PLD5: variants seen among roughly 807,000 people sequenced by gnomAD.
PLD5 encodes the protein inactive phospholipase D5.
Under a neutral mutation model 61.1 loss-of-function variants are expected in PLD5, and 36 were observed. The observed-to-expected ratio is 0.59, with a 90% confidence interval of 0.45 to 0.78. The LOEUF (loss-of-function observed/expected upper bound fraction) is 0.78. Among genes scored for constraint, PLD5 ranks in the 30% least tolerant of loss-of-function variants. The pLI is 0.00. For missense variants in PLD5, 515 were observed against 644.4 expected, an observed-to-expected ratio of 0.80 and a Z score of 2.17; for synonymous variants, 243 against 242.8, an observed-to-expected ratio of 1.00 and a Z score of -0.01.
intron 1 of PLD5, among the ~76,000 whole-genome samples, chr1:242,361,910 G>T (rs1661086201): frequency 6.6e-6 from 1 of 151,630 alleles, no homozygotes; most frequent in Non-Finnish European, 1.5e-5. Flanking sequence ...CGAGGTGGGA[G>T]GATTGCTTGA....
intron 1 of PLD5, among the ~76,000 whole-genome samples, chr1:242,361,937 C>G (rs1348803335): frequency 6.7e-6 from 1 of 150,100 alleles, no homozygotes; most frequent in Non-Finnish European, 1.5e-5. Flanking sequence ...GAATTCAAGA[C>G]TACCCTGGCC....
intron 2 of PLD5, 36 bp downstream of exon 2, chr1:242,348,070 C>T (rs1194765741): frequency 2.5e-6 from 4 of 1,605,712 alleles, no homozygotes; most frequent in Admixed American, 3.4e-5. Context: ...TTCTTGCCCG[C>T]CCCCTAAAAG....
intron 5 of PLD5, among the ~76,000 whole-genome samples, chr1:242,201,248 G>A (rs1296865129): frequency 6.6e-6 from 1 of 152,178 alleles, no homozygotes; most frequent in African/African-American, 2.4e-5. Context: ...ATAAAGGACT[G>A]AAGTGACAGC....
chr1:242,096,514 G>A (rs1660243622), intron 9 of PLD5, among the ~76,000 whole-genome samples: 2 of 151,612 alleles, frequency 1.3e-5, no homozygotes. Context: ...GCTAATTTTT[G>A]TATTTTTAGT....
rs569350964 is a variant in PLD5 at position 242,220,015 on chromosome 1, G to A, written c.708C>T (p.Ala236=). ...VDKQHVYIGS[A]GLDWQSLGQM... is the part of the protein sequence containing the mutation. ...GTCCCAGGGATTGCCAGTCCAAACCGGCACTGCCGATATACACGTGCTGTT... is the reference window on the plus strand; with the variant it reads ...GTCCCAGGGATTGCCAGTCCAAACCAGCACTGCCGATATACACGTGCTGTT... The change falls in exon 5 of 10, where the codon GCC becomes GCT. Residue 236 remains alanine, a synonymous_variant. Coordinates refer to ENST00000536534, the MANE Select transcript of PLD5 (RefSeq NM_001372062.1). 1.4e-5 allele frequency: 22 copies of A among 1,614,068 alleles called. No homozygotes were observed. In the South Asian group the frequency reaches 1.9e-4, roughly 14 times the overall value.
At chr1:242,198,408 G>T (rs761185490) in intron 5 of PLD5, among the ~76,000 whole-genome samples, 1 of 151,920 alleles carries the variant, frequency 6.6e-6, no homozygotes, top group African/African-American at 2.4e-5. Context: ...TGACTTCTGC[G>T]GTAGAAGCAA....
chr1:242,190,138 CTTTTTTTTTTTTT>C (rs902616187), intron 5 of PLD5, among the ~76,000 whole-genome samples: 1 of 74,382 alleles, frequency 1.3e-5, no homozygotes, highest in Non-Finnish European at 2.3e-5. Flanking sequence ...GACAGGACTC[CTTTTTTTTTTTTT>C]TTTTTTTTTT....
intron 5 of PLD5, among the ~76,000 whole-genome samples, chr1:242,180,099 A>G (rs1667426554): frequency 6.6e-6 from 1 of 152,196 alleles, no homozygotes; most frequent in African/African-American, 2.4e-5. Context: ...AGTGAGTGGT[A>G]CACACAGGCG....
intron 2 of PLD5, among the ~76,000 whole-genome samples, chr1:242,299,876 G>GAGCT (rs1675927747): frequency 6.6e-6 from 1 of 152,200 alleles, no homozygotes; most frequent in Non-Finnish European, 1.5e-5. Context: ...AATCCATGAT[G>GAGCT]AGCTCTCCAA....
intron 4 of PLD5, among the ~76,000 whole-genome samples, chr1:242,261,655 A>G (rs1673378323): frequency 6.6e-6 from 1 of 152,212 alleles, no homozygotes; most frequent in Non-Finnish European, 1.5e-5. Context: ...GCCAATTAAA[A>G]CAACAATAAC....
At chr1:242,203,553 G>A (rs566562394) in intron 5 of PLD5, 2 of 152,244 alleles carry the variant, frequency 1.3e-5, no homozygotes, top group Admixed American at 6.5e-5. Flanking sequence ...CTATCCCCTC[G>A]GTGAAGACTG....
At chr1:242,194,618 G>T (rs316831) in intron 5 of PLD5, among the ~76,000 whole-genome samples, 4 of 102,946 alleles carry the variant, frequency 3.9e-5, no homozygotes, top group African/African-American at 1.6e-4. Flanking sequence ...ATCTATCTAT[G>T]TATCTATCTA....
chr1:242,374,497 C>T (rs1185284380), intron 1 of PLD5, among the ~76,000 whole-genome samples: 2 of 152,096 alleles, frequency 1.3e-5, no homozygotes, highest in Admixed American at 6.6e-5. Context: ...TACCATTCTC[C>T]CCCAGGGCTT....
chr1:242,150,857 A>C (rs1392888125), intron 5 of PLD5, among the ~76,000 whole-genome samples: 1 of 151,696 alleles, frequency 6.6e-6, no homozygotes, highest in Non-Finnish European at 1.5e-5. Flanking sequence ...ATTTTTCCTC[A>C]TCTATTTGTT....
chr1:242,261,661 A>G (rs1673379122), intron 4 of PLD5, among the ~76,000 whole-genome samples: 1 of 152,210 alleles, frequency 6.6e-6, no homozygotes, highest in Non-Finnish European at 1.5e-5. Context: ...TAAAACAACA[A>G]TAACACTGGG....
chr1:242,476,767 G>T (rs1193929260), intron 1 of PLD5, among the ~76,000 whole-genome samples: 2 of 152,060 alleles, frequency 1.3e-5, no homozygotes, highest in East Asian at 1.9e-4. Context: ...CCCACCCCAG[G>T]TTTATTTTTT....
chr1:242,092,026 C>T (rs1659873231), intron 9 of PLD5, among the ~76,000 whole-genome samples: 1 of 151,972 alleles, frequency 6.6e-6, no homozygotes, highest in African/African-American at 2.4e-5. Context: ...CGGGGTTTCA[C>T]CATTTTGGCC....
At chr1:242,427,476 C>T (rs1231287751) in intron 1 of PLD5, among the ~76,000 whole-genome samples, 1 of 152,076 alleles carries the variant, frequency 6.6e-6, no homozygotes, top group African/African-American at 2.4e-5. Context: ...TACCATGATT[C>T]AATTTAATAT....
intron 7 of PLD5, 148 bp from the exon 8 acceptor site, chr1:242,107,987 A>T (rs1574308492): frequency 4.0e-6 from 3 of 752,608 alleles, no homozygotes; most frequent in Non-Finnish European, 5.9e-6. Context: ...GCTGAAAAAC[A>T]TACAAGCATC....
Sources: gnomAD v4.1 joint callset for allele counts (sites outside exome capture counted in the v4.1 genomes callset) on GRCh38, gnomAD v4.1.1 for gene constraint, MANE v1.5 for transcripts, NCBI Gene and HGNC (gene_info 2026-07-23, HGNC 2026-07-21) for gene names.